The following CENPP variants were observed in gnomAD, a reference collection of about 807,000 sequenced individuals.
The protein encoded by CENPP is centromere protein P.
CENPP carries 24 observed loss-of-function variants against 35.6 expected under a neutral mutation model. That is an observed-to-expected ratio of 0.67 (90% CI 0.49 to 0.95). The LOEUF is 0.95. Ranked by LOEUF, CENPP falls within the 40% of genes least tolerant of loss-of-function variation. The probability of loss-of-function intolerance (pLI) is 0.00; values close to 1 mark genes in which losing one functional copy is unlikely to be tolerated. For missense variants in CENPP, 332 were observed against 345.3 expected, an observed-to-expected ratio of 0.96 and a Z score of 0.31; for synonymous variants, 120 against 125.5, an observed-to-expected ratio of 0.96 and a Z score of 0.29.
At chr9:92,367,858 C>T (rs374446589) in intron 4 of CENPP, among the ~76,000 whole-genome samples, 21 of 152,280 alleles carry the variant, frequency 1.4e-4, no homozygotes, top group African/African-American at 5.1e-4. Flanking sequence ...TCAGGCGATT[C>T]ACCCGCCTTA....
intron 5 of CENPP, chr9:92,416,930 T>G: frequency 6.2e-7 from 1 of 1,614,062 alleles, no homozygotes; most frequent in Non-Finnish European, 8.5e-7. Context: ...TTTTTCCATT[T>G]TGGCAAAGAT....
chr9:92,597,816 C>T (rs1850818521), intron 5 of CENPP, among the ~76,000 whole-genome samples: 1 of 152,216 alleles, frequency 6.6e-6, no homozygotes, highest in South Asian at 2.1e-4. Context: ...CTAGGACTTA[C>T]ATTCCAATCT....
At chr9:92,376,373 G>A (rs866082966) in intron 4 of CENPP, among the ~76,000 whole-genome samples, 1 of 152,222 alleles carries the variant, frequency 6.6e-6, no homozygotes, top group African/African-American at 2.4e-5. Flanking sequence ...TGGTGAAGCA[G>A]CATTGTTGTC....
chr9:92,333,591 A>G (rs1389391119), intron 2 of CENPP, among the ~76,000 whole-genome samples: 1 of 152,182 alleles, frequency 6.6e-6, no homozygotes, highest in Non-Finnish European at 1.5e-5. Flanking sequence ...TATGAAGAAG[A>G]AATATCATTT....
At chr9:92,427,265 C>T (rs372308220) in intron 5 of CENPP, among the ~76,000 whole-genome samples, 337 of 152,282 alleles carry the variant, frequency 2.2e-3, no homozygotes, top group African/African-American at 6.9e-3. Context: ...TGGGTTCAAG[C>T]GATTCTCCTG....
intron 5 of CENPP, among the ~76,000 whole-genome samples, chr9:92,440,478 G>T (rs1164494407): frequency 6.6e-6 from 1 of 152,136 alleles, no homozygotes; most frequent in Non-Finnish European, 1.5e-5. Flanking sequence ...CCATGGCTGT[G>T]GGTTGGACAA....
chr9:92,583,931 A>T (rs1850486593), intron 5 of CENPP, among the ~76,000 whole-genome samples: 1 of 152,248 alleles, frequency 6.6e-6, no homozygotes, highest in South Asian at 2.1e-4. Flanking sequence ...TTGGGCATGT[A>T]GCAAAAACCA....
intron 5 of CENPP, among the ~76,000 whole-genome samples, chr9:92,579,478 G>C (rs1449767773): frequency 6.6e-6 from 1 of 151,488 alleles, no homozygotes; most frequent in Non-Finnish European, 1.5e-5. Context: ...TTATTTCGTT[G>C]AGCAGTGGTT....
At chr9:92,326,175 C>G in intron 1 of CENPP, 70 bp downstream of exon 1, 1 of 987,146 alleles carries the variant, frequency 1.0e-6, no homozygotes. Context: ...TGAATCTCCA[C>G]AGACATCCTC....
At chr9:92,526,910 T>A (rs1848449484) in intron 5 of CENPP, among the ~76,000 whole-genome samples, 1 of 152,182 alleles carries the variant, frequency 6.6e-6, no homozygotes, top group Non-Finnish European at 1.5e-5. Flanking sequence ...TCTTCCAAGC[T>A]CCATTCATGG....
chr9:92,447,168 G>A (rs1318765167), intron 5 of CENPP, among the ~76,000 whole-genome samples: 1 of 152,102 alleles, frequency 6.6e-6, no homozygotes, highest in African/African-American at 2.4e-5. Context: ...GCATGAGGGA[G>A]GAAGGAATGG....
In CENPP at chr9:92,476,564, T is replaced by G. The variant is rs972833007; in HGVS notation, c.564+96705T>G. Among the ~76,000 whole-genome samples, 3 of 152,228 alleles carry G rather than the reference T, an allele frequency of 2.0e-5. No individual in the cohort carries two copies. Among genetic ancestry groups the G allele is most frequent in the African/African-American group, 7.2e-5 (3 of 41,446 alleles). On this transcript the variant is annotated intron_variant, in intron 5 of 7. Coordinates refer to ENST00000375587, the MANE Select transcript of CENPP (RefSeq NM_001012267.3). This position sits in a 1 kb window ranked among gnomAD's most constrained non-coding sequence, Gnocchi z 4.1. ...ACTGGTCAGGTATGTGTGATATTCC[T>G]GTGATAATCCACACTAACTTATGCT...
intron 5 of CENPP, among the ~76,000 whole-genome samples, chr9:92,541,945 C>T (rs759169288): frequency 5.9e-5 from 9 of 152,098 alleles, no homozygotes; most frequent in African/African-American, 2.2e-4. Context: ...AAGCATCCGC[C>T]GCCGCACCCA....
At chr9:92,460,428 T>A (rs758668356) in intron 5 of CENPP, 1 of 1,189,414 alleles carries the variant, frequency 8.4e-7, no homozygotes, top group East Asian at 2.4e-5. Flanking sequence ...CCTGTGCACA[T>A]TCTCCAGGAG....
intron 5 of CENPP, among the ~76,000 whole-genome samples, chr9:92,454,891 C>T (rs1293857777): frequency 6.6e-6 from 1 of 152,158 alleles, no homozygotes; most frequent in Non-Finnish European, 1.5e-5. Context: ...ATACTATCAT[C>T]ATCCCTCTAC....
chr9:92,587,946 C>T lies in CENPP; in HGVS notation c.565-23368C>T, dbSNP rs147445022. Among the ~76,000 whole-genome samples the T allele has an allele frequency of 1.9e-3, 289 of 151,972 alleles. 1 individual carries two copies. Among genetic ancestry groups the T allele is most frequent in the African/African-American group, 6.4e-3 (265 of 41,486 alleles). On this transcript the variant is annotated intron_variant, in intron 5 of 7. Transcript: ENST00000375587. ...TTCAAGACCAGACTGGCCAACATGG[C>T]GAAACCCGTCTCTACTAAAAATACA...
intron 5 of CENPP, among the ~76,000 whole-genome samples, chr9:92,394,737 C>T (rs757591819): frequency 6.0e-5 from 9 of 151,220 alleles, no homozygotes; most frequent in South Asian, 4.2e-4. Context: ...CCCAAGTATC[C>T]GGGATTACAG....
chr9:92,615,618 G>T lies in CENPP; in HGVS notation c.*2469G>T. 1.9e-6 allele frequency: 1 copy of T among 539,444 alleles called. No individual in the cohort carries two copies. Among genetic ancestry groups the T allele is most frequent in the Non-Finnish European group, 3.3e-6 (1 of 300,104 alleles). The allele number at this position is 539,444 out of a possible 1,614,324, so 33.4% of individuals were successfully genotyped here. A position where few individuals can be genotyped will look rare whatever the true frequency, so the allele number is the denominator to read the frequency against. On this transcript the variant is annotated 3_prime_UTR_variant, in exon 8 of 8. Coordinates refer to ENST00000375587, the MANE Select transcript of CENPP (RefSeq NM_001012267.3). ...CACTTCCATTTTAAGAGTGTGAGCAGCTTCCTGGGACACAGCACTCACTTC... is the reference window on the plus strand; with the variant it reads ...CACTTCCATTTTAAGAGTGTGAGCATCTTCCTGGGACACAGCACTCACTTC...
At chr9:92,376,654 G>A (rs1227111182) in intron 4 of CENPP, among the ~76,000 whole-genome samples, 9 of 152,162 alleles carry the variant, frequency 5.9e-5, no homozygotes, top group South Asian at 2.1e-4. Flanking sequence ...GAAGCTGGCC[G>A]CCCCACCCTA....
Sources: gnomAD v4.1 joint callset for allele counts (sites outside exome capture counted in the v4.1 genomes callset) on GRCh38, gnomAD v4.1.1 for gene constraint, Gnocchi (gnomAD v3.1) non-coding constraint, MANE v1.5 for transcripts, NCBI Gene and HGNC (gene_info 2026-07-23, HGNC 2026-07-21) for gene names.